Variants in PREX1 observed in about 807,000 individuals in gnomAD.
PREX1 encodes the protein phosphatidylinositol 3,4,5-trisphosphate-dependent Rac exchanger 1 protein.
Under a neutral mutation model 198.3 loss-of-function variants are expected in PREX1, and 41 were observed. The observed-to-expected ratio is 0.21, with a 90% CI of 0.16 to 0.27. PREX1 has a LOEUF of 0.27. PREX1 is among the 10% of genes least tolerant of loss of function. The pLI, the probability that PREX1 is intolerant of heterozygous loss-of-function variation, is 1.00. For synonymous variants in PREX1, 843 were observed against 887.2 expected, an observed-to-expected ratio of 0.95 and a Z score of 0.89; for missense variants, 1,620 against 2,200.7, an observed-to-expected ratio of 0.74 and a Z score of 5.28.
intron 9 of PREX1, 23 bp from the exon 10 acceptor site, chr20:48,688,827 C>T: frequency 1.2e-6 from 2 of 1,613,760 alleles, no homozygotes; most frequent in Non-Finnish European, 1.7e-6. Flanking sequence ...ACGGTCAGCA[C>T]TGGAGAGAGC....
At chr20:48,745,260 T>A in intron 2 of PREX1, 113 bp from the exon 3 acceptor site, 2 of 1,173,366 alleles carry the variant, frequency 1.7e-6, no homozygotes, top group Non-Finnish European at 2.4e-6. Context: ...AAAGAAGAAC[T>A]CTCAAACACC....
intron 19 of PREX1, among the ~76,000 whole-genome samples, chr20:48,654,979 C>T (rs1367327494): frequency 3.3e-5 from 5 of 152,232 alleles, no homozygotes. Flanking sequence ...AGTGGACCCA[C>T]ATTCCTGTCT....
chr20:48,634,866 C>A, intron 32 of PREX1, 91 bp from the exon 33 acceptor site: 1 of 1,129,712 alleles, frequency 8.9e-7, no homozygotes, highest in South Asian at 1.3e-5. Flanking sequence ...CTAGTCGGCA[C>A]TCCACACTGT....
intron 1 of PREX1, among the ~76,000 whole-genome samples, chr20:48,761,715 C>G (rs2090181319): frequency 6.6e-6 from 1 of 152,162 alleles, no homozygotes; most frequent in African/African-American, 2.4e-5. Context: ...CCTGAGTTCA[C>G]CAACAACCCA....
At chr20:48,744,260 G>T (rs1217909347) in intron 3 of PREX1, among the ~76,000 whole-genome samples, 1 of 152,160 alleles carries the variant, frequency 6.6e-6, no homozygotes, top group Non-Finnish European at 1.5e-5. Flanking sequence ...AATCACCCCA[G>T]CTGAGAAGCT....
At chr20:48,697,663 C>G (rs1296102539) in intron 7 of PREX1, among the ~76,000 whole-genome samples, 1 of 152,120 alleles carries the variant, frequency 6.6e-6, no homozygotes, top group African/African-American at 2.4e-5. Context: ...GGATTACAGG[C>G]GTGAGCTACT....
intron 15 of PREX1, among the ~76,000 whole-genome samples, chr20:48,661,428 A>G (rs2089590504): frequency 1.0e-5 from 1 of 97,358 alleles, no homozygotes; most frequent in Non-Finnish European, 1.8e-5. Context: ...TCAAAAAAAA[A>G]AAAAAAAAAA....
intron 9 of PREX1, among the ~76,000 whole-genome samples, chr20:48,690,320 C>A (rs368577115): frequency 4.1e-4 from 62 of 152,222 alleles, no homozygotes; most frequent in African/African-American, 1.5e-3. Flanking sequence ...AGCATTGCAA[C>A]CCTCTACAGC....
At chr20:48,635,854 A>G (rs1052998397) in intron 32 of PREX1, among the ~76,000 whole-genome samples, 20 of 152,330 alleles carry the variant, frequency 1.3e-4, no homozygotes, top group African/African-American at 4.8e-4. Flanking sequence ...ATGTGAGAAG[A>G]GGAAGGGGAG....
At chr20:48,729,209 T>TAA (rs2090023201) in intron 4 of PREX1, among the ~76,000 whole-genome samples, 6 of 152,144 alleles carry the variant, frequency 3.9e-5, no homozygotes, top group Non-Finnish European at 7.4e-5. Context: ...CCTGAGTAGC[T>TAA]GGGATTACAG....
At chr20:48,743,905 C>G (rs1400940668) in intron 3 of PREX1, among the ~76,000 whole-genome samples, 1 of 152,186 alleles carries the variant, frequency 6.6e-6, no homozygotes, top group African/African-American at 2.4e-5. Flanking sequence ...GACTTGCCCC[C>G]CATTGCCCTC....
the PREX1 span, among the ~76,000 whole-genome samples, chr20:48,884,137 T>TAA: frequency 0.32 from 37,826 of 118,570 alleles, 5,837 homozygotes; most frequent in Non-Finnish European, 0.38. Context: ...AAACTCCGTC[T>TAA]AAAAAAAAAA....
intron 1 of PREX1, among the ~76,000 whole-genome samples, chr20:48,823,783 T>C (rs977448079): frequency 1.3e-5 from 2 of 152,120 alleles, no homozygotes; most frequent in Non-Finnish European, 2.9e-5. Flanking sequence ...AAGCCCTTCT[T>C]GGATCAGCCA....
At chr20:48,762,705 T>C (rs906100406) in intron 1 of PREX1, among the ~76,000 whole-genome samples, 21 of 150,532 alleles carry the variant, frequency 1.4e-4, no homozygotes, top group Admixed American at 6.6e-4. Flanking sequence ...AAGTTTCTTT[T>C]TTTTTTTTTT....
intron 1 of PREX1, among the ~76,000 whole-genome samples, chr20:48,801,102 T>C (rs560490393): frequency 1.1e-4 from 17 of 152,258 alleles, no homozygotes; most frequent in African/African-American, 3.9e-4. Context: ...CTGCAGTGAG[T>C]ATCCCACAAG....
chr20:48,836,511 G>A, the PREX1 span, among the ~76,000 whole-genome samples: 32 of 152,218 alleles, frequency 2.1e-4, no homozygotes, highest in African/African-American at 6.5e-4. Flanking sequence ...ATTTTCCCTC[G>A]TGAAATAGAC....
chr20:48,647,519 CAAA>C (rs765244255), intron 25 of PREX1, among the ~76,000 whole-genome samples: 4 of 49,618 alleles, frequency 8.1e-5, no homozygotes, highest in Non-Finnish European at 9.0e-5. Flanking sequence ...GACAACATCT[CAAA>C]AAAAAAAAAA....
At chr20:48,861,509 C>T in the PREX1 span, among the ~76,000 whole-genome samples, 1 of 152,168 alleles carries the variant, frequency 6.6e-6, no homozygotes, top group African/African-American at 2.4e-5. Context: ...GGCTAGTGCT[C>T]CTCAGTTCCA....
chr20:48,821,965 T>C (rs1424894429), intron 1 of PREX1: 1 of 152,206 alleles, frequency 6.6e-6, no homozygotes, highest in Non-Finnish European at 1.5e-5. Context: ...CAACGACCTG[T>C]TGATGACTTC....
Sources: allele counts gnomAD v4.1 joint callset (sites outside exome capture counted in the v4.1 genomes callset), GRCh38; gene constraint gnomAD v4.1.1; transcripts MANE v1.5; gene names NCBI Gene and HGNC (gene_info 2026-07-23, HGNC 2026-07-21).